USH2A: variants seen among roughly 807,000 people sequenced by gnomAD.
USH2A encodes Usher syndrome 2A (autosomal recessive, mild).
In USH2A, 443 loss-of-function variants were observed where a neutral mutation model predicts 538.9. That is an observed-to-expected ratio of 0.82 (90% CI 0.76 to 0.89). The LOEUF (loss-of-function observed/expected upper bound fraction) is 0.89, where lower values mean the gene tolerates loss of function less well. USH2A is among the 40% of genes least tolerant of loss of function. The probability of loss-of-function intolerance (pLI) is 0.00; values close to 1 mark genes in which losing one functional copy is unlikely to be tolerated. For missense variants in USH2A, 6,633 were observed against 6,324.8 expected (o/e 1.05, Z -1.65); for synonymous variants, 2,413 against 2,273.5 (o/e 1.06, Z -1.75).
rs1033524703 is a variant in USH2A at position 216,090,009 on chromosome 1, T to C, written c.4759-870A>G. ...AACAGCTACTAGTACTACTATTAAA[T>C]AAAAATAAAAAAGAAATTACAACTT... On this transcript the variant is annotated intron_variant, in intron 22 of 71. Transcript: ENST00000307340. Among the ~76,000 whole-genome samples, 85 of 151,930 alleles carry C rather than the reference T, an allele frequency of 5.6e-4. 2 individuals carry two copies. Among genetic ancestry groups the C allele is most frequent in the African/African-American group, 1.9e-3 (78 of 41,492 alleles).
At chr1:215,946,230 G>A (rs1019019652) in intron 37 of USH2A, among the ~76,000 whole-genome samples, 1 of 152,122 alleles carries the variant, frequency 6.6e-6, no homozygotes, top group African/African-American at 2.4e-5. Context: ...TTATTTACAT[G>A]AGACAGTTGA....
At chr1:215,978,778 G>T (rs1667680505) in intron 35 of USH2A, among the ~76,000 whole-genome samples, 1 of 152,154 alleles carries the variant, frequency 6.6e-6, no homozygotes, top group African/African-American at 2.4e-5. Context: ...TCCACATACG[G>T]TAGTGGGGAC....
chr1:215,672,451 G>A (rs186021974), intron 63 of USH2A, among the ~76,000 whole-genome samples: 184 of 151,736 alleles, frequency 1.2e-3, no homozygotes, highest in Non-Finnish European at 1.7e-3. Context: ...CTCTCATGCC[G>A]ATCTCCACCA....
intron 60 of USH2A, among the ~76,000 whole-genome samples, chr1:215,737,565 T>A (rs190876848): frequency 6.6e-6 from 1 of 152,092 alleles, no homozygotes; most frequent in South Asian, 2.1e-4. Context: ...GCCTGTCTTA[T>A]ATCTCCCACT....
At chr1:215,779,796 A>G (rs766424283) in intron 55 of USH2A, 47 bp downstream of exon 55, 2 of 1,606,010 alleles carry the variant, frequency 1.2e-6, no homozygotes, top group South Asian at 2.2e-5. Context: ...CCCTAACCAC[A>G]ATGACAGACT....
At chr1:215,865,393 G>C (rs1029475513) in intron 44 of USH2A, among the ~76,000 whole-genome samples, 11 of 152,146 alleles carry the variant, frequency 7.2e-5, no homozygotes, top group Non-Finnish European at 2.9e-5. Context: ...AGGTTTGTCA[G>C]TTTTTATAAG....
chr1:215,900,976 C>A, intron 38 of USH2A, 71 bp from the exon 39 acceptor site: 2 of 1,584,098 alleles, frequency 1.3e-6, no homozygotes, highest in Non-Finnish European at 1.7e-6. Flanking sequence ...AATCGAAATG[C>A]TCCATATACT....
intron 61 of USH2A, 146 bp downstream of exon 61, chr1:215,727,884 G>GT: frequency 1.1e-6 from 1 of 942,862 alleles, no homozygotes; most frequent in South Asian, 1.5e-5. Context: ...TCTTATCCCC[G>GT]TGACTACATT....
chr1:216,071,858 C>T (rs568339633), intron 29 of USH2A, among the ~76,000 whole-genome samples: 2 of 152,220 alleles, frequency 1.3e-5, no homozygotes, highest in African/African-American at 2.4e-5. Flanking sequence ...TTTAAGAGAT[C>T]GTTCAGCTCA....
Position 216,072,892 on chromosome 1 carries a change from C to T in USH2A, c.5854G>A (p.Ala1952Thr), listed in dbSNP as rs936299225. The change falls in exon 29 of 72, where the codon GCA becomes ACA. Residue 1952 changes from alanine to threonine, a missense_variant. Ala to Thr is a moderately conservative substitution (Grantham distance 58). Coordinates refer to ENST00000307340, the MANE Select transcript of USH2A (RefSeq NM_206933.4). Reference protein sequence around the residue: ...SDWSRGRTTGAAPQSVPTPSR... With the variant: ...SDWSRGRTTGTAPQSVPTPSR... The stretch of plus-strand genomic sequence containing the variant: ...GCATTTGAAGATAAGTATTTACCTG[C>T]TCCTGTTGTACGTCCTCGACTCCAA... 2 of 1,613,694 alleles carry T rather than the reference C, an allele frequency of 1.2e-6. No individual in the cohort carries two copies. Among genetic ancestry groups the T allele is most frequent in the Non-Finnish European group, 8.5e-7 (1 of 1,179,694 alleles).
intron 69 of USH2A, among the ~76,000 whole-genome samples, chr1:215,638,373 A>C (rs1212882132): frequency 1.3e-5 from 2 of 152,156 alleles, no homozygotes; most frequent in Non-Finnish European, 2.9e-5. Context: ...TAATTCCAAC[A>C]CTTTGGGAGG....
At position 216,390,320 on chromosome 1, in the gene USH2A, C is replaced by G. The variant is rs572160854; in HGVS notation, c.652-25235G>C. The stretch of plus-strand genomic sequence containing the variant: ...ATTTGTATAGAGCAGGAGATTTAGG[C>G]TCAGATTATTAGATCTATATGTCCC... On this transcript the variant is annotated intron_variant, in intron 3 of 71. Transcript: ENST00000307340. 5.9e-5 allele frequency among the ~76,000 whole-genome samples: 9 copies of G among 152,184 alleles called. No homozygotes were observed. The South Asian group carries it at 1.9e-3, about 32-fold the overall frequency.
intron 32 of USH2A, among the ~76,000 whole-genome samples, chr1:216,042,451 AC>A (rs1320801429): frequency 3.9e-5 from 6 of 152,050 alleles, no homozygotes; most frequent in Non-Finnish European, 5.9e-5. Flanking sequence ...ATACAGATCC[AC>A]TTTAGTAGAC....
intron 30 of USH2A, 82 bp from the exon 31 acceptor site, chr1:216,048,729 G>T: frequency 1.8e-6 from 2 of 1,133,568 alleles, no homozygotes; most frequent in Non-Finnish European, 2.7e-6. Context: ...CTGTGTGTGT[G>T]TCTATAAGAG....
chr1:216,049,217 G>A lies in USH2A; in HGVS notation c.6050-570C>T, dbSNP rs187580099. 2.0e-5 allele frequency among the ~76,000 whole-genome samples: 3 copies of A among 152,150 alleles called. No homozygotes were observed. The East Asian group carries it at 5.8e-4, about 29-fold the overall frequency. On this transcript the variant is annotated intron_variant, in intron 30 of 71. Coordinates refer to ENST00000307340, the MANE Select transcript of USH2A (RefSeq NM_206933.4). ...GCAAATTAACATAGTTGAACAATTA[G>A]CAAATTAGATAATTATGCTTTTGTA... is the stretch of plus-strand genomic sequence containing the variant.
intron 37 of USH2A, among the ~76,000 whole-genome samples, chr1:215,954,384 A>G (rs1270033983): frequency 6.6e-6 from 1 of 152,126 alleles, no homozygotes; most frequent in Non-Finnish European, 1.5e-5. Flanking sequence ...CTATGCAGCC[A>G]TAAAAAATGA....
chr1:215,820,639 T>G (rs942794730), intron 47 of USH2A, among the ~76,000 whole-genome samples: 2 of 151,730 alleles, frequency 1.3e-5, no homozygotes, highest in African/African-American at 4.8e-5. Context: ...AAAGATATTG[T>G]AAACTATAAA....
intron 15 of USH2A, among the ~76,000 whole-genome samples, chr1:216,210,357 G>C (rs1306061709): frequency 6.6e-6 from 1 of 152,044 alleles, no homozygotes; most frequent in African/African-American, 2.4e-5. Context: ...TCATGACCCA[G>C]GCACAAGTGT....
chr1:215,647,457 AG>A, intron 67 of USH2A, 64 bp downstream of exon 67: 1 of 1,602,218 alleles, frequency 6.2e-7, no homozygotes, highest in Non-Finnish European at 8.5e-7. Context: ...TCCGAGTTTC[AG>A]GGCAAGCTTC....
Sources: allele counts gnomAD v4.1 joint callset (sites outside exome capture counted in the v4.1 genomes callset), GRCh38; gene constraint gnomAD v4.1.1; transcripts MANE v1.5; gene names NCBI Gene and HGNC (gene_info 2026-07-23, HGNC 2026-07-21).